PAPSS2: variants seen among roughly 807,000 people sequenced by gnomAD.
PAPSS2 encodes 3'-phosphoadenosine 5'-phosphosulfate synthase 2.
In PAPSS2, 61 loss-of-function variants were observed where a neutral mutation model predicts 66.5. The observed-to-expected ratio is 0.92, with a 90% CI of 0.75 to 1.14. PAPSS2 has a LOEUF of 1.14. Ranked by LOEUF, PAPSS2 falls within the 50% of genes most tolerant of loss-of-function variation. PAPSS2 has a pLI of 0.00. For synonymous variants in PAPSS2, 289 were observed against 287.5 expected, an observed-to-expected ratio of 1.01 and a Z score of -0.05; for missense variants, 708 against 789.6, an observed-to-expected ratio of 0.90 and a Z score of 1.24.
chr10:87,703,007 T>C (rs7084129), intron 1 of PAPSS2, among the ~76,000 whole-genome samples: 79,410 of 151,986 alleles, frequency 0.52, 22,482 homozygotes, highest in African/African-American at 0.74. Context: ...TTGGCAGTCC[T>C]CTTTCTGTGC....
intron 1 of PAPSS2, among the ~76,000 whole-genome samples, chr10:87,664,247 C>T (rs928645222): frequency 6.6e-6 from 1 of 152,116 alleles, no homozygotes; most frequent in African/African-American, 2.4e-5. Flanking sequence ...TAAGGAAAAA[C>T]AAATGCAGAA....
In PAPSS2 at chr10:87,743,478, TCCTCCTACTACAC is replaced by T. The variant is rs1409795046; in HGVS notation, c.1333_1345del (p.Leu445TrpfsTer12). 6.2e-7 allele frequency: 1 copy of T among 1,613,980 alleles called. No homozygotes were observed. The highest frequency in any genetic ancestry group is 8.5e-7 in the Non-Finnish European group (1 of 1,179,984). Reference sequence around the variant, plus strand: ...CTAGAGAGGGGCTACAAGCACCCGGTCCTCCTACTACACCCTCTGGGCGGCTGGACCAAGGATG... The same window carrying T: ...CTAGAGAGGGGCTACAAGCACCCGGTCCTCTGGGCGGCTGGACCAAGGATG... On this transcript the variant is annotated frameshift_variant, in exon 11 of 13. Coordinates refer to ENST00000456849, the MANE Select transcript of PAPSS2 (RefSeq NM_001015880.2). LOFTEE classifies it high-confidence loss of function.
chr10:87,683,787 T>G (rs1451387778), intron 1 of PAPSS2, among the ~76,000 whole-genome samples: 1 of 152,022 alleles, frequency 6.6e-6, no homozygotes, highest in Non-Finnish European at 1.5e-5. Flanking sequence ...CCTCCTAGGT[T>G]CAAGTGATCC....
intron 1 of PAPSS2, among the ~76,000 whole-genome samples, chr10:87,698,741 T>C (rs549122553): frequency 6.6e-6 from 1 of 152,320 alleles, no homozygotes; most frequent in East Asian, 1.9e-4. Flanking sequence ...TAAAACATGT[T>C]ATCTCATGGA....
Position 87,727,860 on chromosome 10 carries a change from CAAGGAACAT to C in PAPSS2, c.1086+375_1086+383del, listed in dbSNP as rs571191289. Among the ~76,000 whole-genome samples the C allele has an allele frequency of 1.2e-3, 177 of 152,226 alleles. 1 individual carries two copies. The highest frequency in any genetic ancestry group is 2.2e-4 in the Non-Finnish European group (15 of 68,020). On this transcript the variant is annotated intron_variant, in intron 9 of 12. Transcript: ENST00000456849. ...CAGCCCTGCCCATCTTGAAAATGCG[CAAGGAACAT>C]AAGTATCTTCATAAAGAATGGACCC...
At chr10:87,689,450 C>G (rs113407771) in intron 1 of PAPSS2, among the ~76,000 whole-genome samples, 4,737 of 151,750 alleles carry the variant, frequency 0.031, 121 homozygotes, top group South Asian at 0.095. Context: ...GCAGGTGGAT[C>G]ACCTGAAGTC....
chr10:87,729,406 A>G (rs991453693), intron 9 of PAPSS2, among the ~76,000 whole-genome samples: 1 of 152,022 alleles, frequency 6.6e-6, no homozygotes, highest in Non-Finnish European at 1.5e-5. Context: ...ATGGTGATCT[A>G]CGGTTAGTGA....
chr10:87,672,724 G>A (rs1852894339), intron 1 of PAPSS2, among the ~76,000 whole-genome samples: 1 of 152,160 alleles, frequency 6.6e-6, no homozygotes, highest in Admixed American at 6.5e-5. Context: ...GATATCTTGG[G>A]GGAAATTTGG....
rs1419848593 is a variant in PAPSS2 at position 87,708,341 on chromosome 10, A to G, written c.28-855A>G. 2.0e-5 allele frequency among the ~76,000 whole-genome samples: 3 copies of G among 152,216 alleles called. No individual in the cohort carries two copies. The East Asian group carries it at 5.8e-4, about 29-fold the overall frequency. On this transcript the variant is annotated intron_variant, in intron 1 of 12. Coordinates refer to ENST00000456849, the MANE Select transcript of PAPSS2 (RefSeq NM_001015880.2). ...AAAGTTCATACATTAACCCTTGAGA[A>G]AGTGGAAACAGTTTAGTTCTTGTGA...
chr10:87,739,473 T>C (rs1425016967), intron 9 of PAPSS2, among the ~76,000 whole-genome samples: 2 of 152,208 alleles, frequency 1.3e-5, no homozygotes, highest in African/African-American at 4.8e-5. Flanking sequence ...CCAACAATAA[T>C]TAACTGGAAG....
At chr10:87,735,947 A>G (rs765574747) in intron 9 of PAPSS2, among the ~76,000 whole-genome samples, 65 of 152,190 alleles carry the variant, frequency 4.3e-4, no homozygotes, top group Non-Finnish European at 7.8e-4. Context: ...CAGGTCCACC[A>G]TCACTATCTT....
chr10:87,679,541 C>T (rs1368618581), intron 1 of PAPSS2, among the ~76,000 whole-genome samples: 2 of 152,086 alleles, frequency 1.3e-5, no homozygotes. Flanking sequence ...CTACCACATG[C>T]ACCCTGTAAG....
At chr10:87,705,184 G>GT (rs1030266076) in intron 1 of PAPSS2, among the ~76,000 whole-genome samples, 1 of 152,112 alleles carries the variant, frequency 6.6e-6, no homozygotes, top group Non-Finnish European at 1.5e-5. Flanking sequence ...ATAATGTGTA[G>GT]TTTTTTTGGA....
chr10:87,706,002 G>C (rs891246273), intron 1 of PAPSS2, among the ~76,000 whole-genome samples: 8 of 149,838 alleles, frequency 5.3e-5, no homozygotes, highest in Non-Finnish European at 8.9e-5. Context: ...AGAGTGCTGG[G>C]ATTACAGGTG....
At position 87,706,106 on chromosome 10, in the gene PAPSS2, ATATGTGTGTG is replaced by A. The variant is rs1367063188; in HGVS notation, c.28-3088_28-3079del. Reference sequence around the variant, plus strand: ...ATGGTATATATATATATATATATATATATGTGTGTGTGTGTGTGTGTGTGTGTGTGTGTGT... The same window carrying A: ...ATGGTATATATATATATATATATATATGTGTGTGTGTGTGTGTGTGTGTGT... On this transcript the variant is annotated intron_variant, in intron 1 of 12. Transcript: ENST00000456849. 1.6e-3 allele frequency among the ~76,000 whole-genome samples: 139 copies of A among 85,280 alleles called. 1 individual carries two copies. Among genetic ancestry groups the A allele is most frequent in the African/African-American group, 9.0e-3 (133 of 14,844 alleles). 55.9% of individuals were successfully genotyped at this position (85,280 alleles called of 152,430 possible).
At position 87,709,161 on chromosome 10, in the gene PAPSS2, A is replaced by G. The variant is rs1422293025; in HGVS notation, c.28-35A>G. 3 of 1,386,900 alleles carry G rather than the reference A, an allele frequency of 2.2e-6. No homozygotes were observed. In the East Asian group the frequency reaches 6.9e-5, roughly 32 times the overall value. The allele number at this position is 1,386,900 out of a possible 1,614,324, so 85.9% of individuals were successfully genotyped here. ...CCAGTGAAGAATATGTGTTTTATTA[A>G]TTAATACTGTGCTTGGTTTTGTCTT... On this transcript the variant is annotated intron_variant, in intron 1 of 12. Coordinates refer to ENST00000456849, the MANE Select transcript of PAPSS2 (RefSeq NM_001015880.2).
In PAPSS2 at chr10:87,713,312, T is replaced by TAAAAAAAAAGAAAAA; in HGVS notation, c.381+11_381+12insGAAAAAAAAAAAAAA. 1.7e-6 allele frequency: 1 copy of TAAAAAAAAAGAAAAA among 573,440 alleles called. No individual in the cohort carries two copies. Among genetic ancestry groups the TAAAAAAAAAGAAAAA allele is most frequent in the South Asian group, 2.2e-5 (1 of 46,080 alleles). The allele number at this position is 573,440 out of a possible 1,614,324, so 35.5% of individuals were successfully genotyped here. A position where few individuals can be genotyped will look rare whatever the true frequency, so the allele number is the denominator to read the frequency against. On this transcript the variant is annotated splice_region_variant and intron_variant, in intron 3 of 12. Transcript: ENST00000456849. The stretch of plus-strand genomic sequence containing the variant: ...AGCTTTATTTCTCCATTCGCAAAGG[T>TAAAAAAAAAGAAAAA]AAAAAAAAAAAAAAAAAAAAAAGGC...
At chr10:87,662,738 A>G (rs1378900368) in intron 1 of PAPSS2, among the ~76,000 whole-genome samples, 1 of 152,234 alleles carries the variant, frequency 6.6e-6, no homozygotes, top group Non-Finnish European at 1.5e-5. Context: ...CCCAATCTGA[A>G]AACATTGACT....
intron 7 of PAPSS2, among the ~76,000 whole-genome samples, chr10:87,717,310 C>T (rs942934092): frequency 2.0e-5 from 3 of 152,178 alleles, no homozygotes; most frequent in Non-Finnish European, 2.9e-5. Context: ...GAGGGGGCCT[C>T]ATTACAGACA....
Sources: allele counts gnomAD v4.1 joint callset (sites outside exome capture counted in the v4.1 genomes callset), GRCh38; gene constraint gnomAD v4.1.1; transcripts MANE v1.5; gene names NCBI Gene and HGNC (gene_info 2026-07-23, HGNC 2026-07-21).